VPS53: variants seen among roughly 807,000 people sequenced by gnomAD.
VPS53 encodes vacuolar protein sorting-associated protein 53 homolog.
A neutral mutation model predicts 107.0 loss-of-function variants in VPS53; 70 were observed. The observed-to-expected ratio is 0.65, with a 90% CI of 0.54 to 0.80. The LOEUF is 0.80. Among genes scored for constraint, VPS53 ranks in the 30% least tolerant of loss-of-function variants. The probability of loss-of-function intolerance (pLI) is 0.00; values close to 1 mark genes in which losing one functional copy is unlikely to be tolerated. For synonymous variants in VPS53, 409 were observed against 393.3 expected, an observed-to-expected ratio of 1.04 and a Z score of -0.47; for missense variants, 917 against 1,049.4, an observed-to-expected ratio of 0.87 and a Z score of 1.74.
In VPS53 at chr17:653,509, C is replaced by T. The variant is rs2143501735; in HGVS notation, c.489-99G>A. On this transcript the variant is annotated intron_variant, in intron 6 of 21. Coordinates refer to ENST00000437048, the MANE Select transcript of VPS53 (RefSeq NM_001128159.3). ...GCTAGCTCTCAAACAGATATCAACT[C>T]AGCTGAATCAACGTTCGCTGAGCAC... 5.8e-6 allele frequency: 9 copies of T among 1,558,556 alleles called. No individual in the cohort carries two copies. The African/African-American group carries it at 6.8e-5, about 12-fold the overall frequency.
rs1283802002 is a variant in VPS53, at chr17:520,238, G to A, written c.2224-308C>T. Among the ~76,000 whole-genome samples, 4 of 152,100 alleles carry A rather than the reference G, an allele frequency of 2.6e-5. No individual in the cohort carries two copies. Among genetic ancestry groups the A allele is most frequent in the South Asian group, 2.1e-4 (1 of 4,822 alleles). On this transcript the variant is annotated intron_variant, in intron 20 of 21. Coordinates refer to ENST00000437048, the MANE Select transcript of VPS53 (RefSeq NM_001128159.3). The surrounding 1 kb of genome is among the most constrained non-coding windows in gnomAD (Gnocchi z 4.4). ...TGCTGTTTGAAGTATGGGTTTCCGG[G>A]GCCCTCCTCTAAAGACTCTAATTCA...
intron 19 of VPS53, among the ~76,000 whole-genome samples, chr17:528,660 G>A (rs967433273): frequency 4.2e-5 from 6 of 141,762 alleles, no homozygotes; most frequent in South Asian, 2.2e-4. Context: ...GTACAGTGGC[G>A]CAATCTTGGC....
chr17:614,792 C>T (rs1969061582), intron 11 of VPS53, among the ~76,000 whole-genome samples: 1 of 152,228 alleles, frequency 6.6e-6, no homozygotes, highest in South Asian at 2.1e-4. Context: ...CATATAGCTT[C>T]TATCTTTAGA....
chr17:511,455 C>G lies in VPS53; in HGVS notation c.*7673G>C, dbSNP rs376662339. On this transcript the variant is annotated 3_prime_UTR_variant, in exon 22 of 22. Coordinates refer to ENST00000437048, the MANE Select transcript of VPS53 (RefSeq NM_001128159.3). ...GATGACTGAGCAGAAGCTCCCAGAA[C>G]CCTCGGATGAAGTGAGCAGCATTCC... 3.9e-5 allele frequency: 6 copies of G among 152,302 alleles called. No homozygotes were observed. The highest frequency in any genetic ancestry group is 1.9e-4 in the East Asian group (1 of 5,188). The allele number at this position is 152,302 out of a possible 1,614,324, so 9.4% of individuals were successfully genotyped here.
intron 9 of VPS53, 28 bp downstream of exon 9, chr17:628,060 C>T (rs1969792171): frequency 5.0e-6 from 8 of 1,594,792 alleles, no homozygotes; most frequent in Non-Finnish European, 6.8e-6. Context: ...TCAAATGTTA[C>T]ATCTGATCTT....
chr17:661,664 T>A (rs1971443445), intron 5 of VPS53, 145 bp downstream of exon 5: 2 of 712,184 alleles, frequency 2.8e-6, no homozygotes, highest in Admixed American at 2.8e-5. Context: ...TCTGAACGCA[T>A]TCATAGGGGG....
intron 17 of VPS53, among the ~76,000 whole-genome samples, chr17:544,973 T>C (rs1911067718): frequency 2.0e-5 from 3 of 151,920 alleles, no homozygotes; most frequent in Admixed American, 6.6e-5. Flanking sequence ...ACCAGCTATT[T>C]GGGAGGCTAG....
rs751875958 is a variant in VPS53, at chr17:697,493, A to G, written c.219-9T>C. On this transcript the variant is annotated splice_polypyrimidine_tract_variant and intron_variant, in intron 3 of 21. Transcript: ENST00000437048. Reference sequence around the variant, plus strand: ...TATTGTCATCCAGTCTCCTAGCAAAACAGTTCAAGGATACAGTCATTCAAA... The same window carrying G: ...TATTGTCATCCAGTCTCCTAGCAAAGCAGTTCAAGGATACAGTCATTCAAA... 1.9e-6 allele frequency: 3 copies of G among 1,609,306 alleles called. No homozygotes were observed. The South Asian group carries it at 3.3e-5, about 18-fold the overall frequency.
chr17:672,109 GACACAC>G (rs10630363), intron 4 of VPS53, among the ~76,000 whole-genome samples: 4,024 of 108,936 alleles, frequency 0.037, 62 homozygotes, highest in East Asian at 0.073. Context: ...TGATGAGGGT[GACACAC>G]ACACACACAC....
intron 17 of VPS53, among the ~76,000 whole-genome samples, chr17:542,975 C>CAA (rs57176595): frequency 1.3e-4 from 12 of 90,018 alleles, no homozygotes; most frequent in East Asian, 2.7e-4. Context: ...GAGACTCTGT[C>CAA]AAAAAAAAAA....
rs538069321 is a variant in VPS53 at position 691,640 on chromosome 17, C to G, written c.285+5778G>C. Among the ~76,000 whole-genome samples, 64 of 152,292 alleles carry G rather than the reference C, an allele frequency of 4.2e-4. 2 individuals are homozygous for G. The South Asian group carries it at 0.013, about 31-fold the overall frequency. Reference sequence around the variant, plus strand: ...AGTAAATTTTAAATTATGCGCCATTCTGAGTAGTGTGATAAAATCTTGCAC... The same window carrying G: ...AGTAAATTTTAAATTATGCGCCATTGTGAGTAGTGTGATAAAATCTTGCAC... On this transcript the variant is annotated intron_variant, in intron 4 of 21. Transcript: ENST00000437048.
chr17:569,301 G>C (rs1001381273), intron 13 of VPS53, among the ~76,000 whole-genome samples: 23 of 152,140 alleles, frequency 1.5e-4, no homozygotes, highest in African/African-American at 5.6e-4. Context: ...GTTCAAACAC[G>C]GTGTGCAGGT....
intron 13 of VPS53, among the ~76,000 whole-genome samples, chr17:583,452 C>T (rs1285047094): frequency 1.3e-5 from 2 of 149,462 alleles, no homozygotes; most frequent in Admixed American, 6.7e-5. Flanking sequence ...AACCTCAATG[C>T]GTTCCCAGAG....
At chr17:663,467 C>T (rs1407751343) in intron 4 of VPS53, among the ~76,000 whole-genome samples, 1 of 151,822 alleles carries the variant, frequency 6.6e-6, no homozygotes, top group Non-Finnish European at 1.5e-5. Context: ...GCCAGCAGCC[C>T]ACAGACGTGT....
In VPS53 at chr17:562,685, C is replaced by T; in HGVS notation, c.1374G>A (p.Lys458=). 1.2e-6 allele frequency: 2 copies of T among 1,613,618 alleles called. No homozygotes were observed. Among genetic ancestry groups the T allele is most frequent in the East Asian group, 2.2e-5 (1 of 44,848 alleles). The change falls in exon 14 of 22, where the codon AAG becomes AAA. Residue 458 remains lysine (K), a synonymous_variant. Coordinates refer to ENST00000437048, the MANE Select transcript of VPS53 (RefSeq NM_001128159.3). ...CGGCACCCCCTTCATCAGTGTTGGG[C>T]TTAGGTGGCCCCTGGGCTTTGAAAT... The part of the protein sequence containing the change: ...VADFKAQGPP[K]PNTDEGGAVL...
At chr17:678,498 G>A (rs1291537440) in intron 4 of VPS53, among the ~76,000 whole-genome samples, 4 of 151,528 alleles carry the variant, frequency 2.6e-5, no homozygotes, top group South Asian at 2.1e-4. Context: ...ACAGAGTCTC[G>A]CTCTGTCGCC....
chr17:690,838 GT>G (rs1972753028), intron 4 of VPS53, among the ~76,000 whole-genome samples: 1 of 152,230 alleles, frequency 6.6e-6, no homozygotes, highest in African/African-American at 2.4e-5. Flanking sequence ...TGGCCCTTAA[GT>G]TTTGAAGAGT....
At chr17:548,808 T>G (rs1332063173) in intron 17 of VPS53, among the ~76,000 whole-genome samples, 2 of 152,226 alleles carry the variant, frequency 1.3e-5, no homozygotes, top group African/African-American at 4.8e-5. Flanking sequence ...GCTCTTTAGC[T>G]TCCCTAACCT....
rs148319791 is a variant in VPS53, at chr17:622,574, A to G, written c.1116+959T>C. 1.8e-4 allele frequency among the ~76,000 whole-genome samples: 27 copies of G among 152,286 alleles called. No homozygotes were observed. The East Asian group carries it at 4.6e-3, about 26-fold the overall frequency. ...ACAATTCCTGTATTCAAGGAGCTCA[A>G]TGTCTACGCATATGTAATGATGCAA... On this transcript the variant is annotated intron_variant, in intron 11 of 21. Transcript: ENST00000437048.
Sources: gnomAD v4.1 joint callset for allele counts (sites outside exome capture counted in the v4.1 genomes callset) on GRCh38, gnomAD v4.1.1 for gene constraint, Gnocchi (gnomAD v3.1) non-coding constraint, MANE v1.5 for transcripts, NCBI Gene and HGNC (gene_info 2026-07-23, HGNC 2026-07-21) for gene names.